The following PAH variants were observed in gnomAD, a reference collection of about 807,000 sequenced individuals.
PAH encodes phenylalanine hydroxylase, also known as phenylalanine-4-hydroxylase.
In PAH, 64 loss-of-function variants were observed where a neutral mutation model predicts 62.0. The observed-to-expected ratio is 1.03, with a 90% CI of 0.84 to 1.27. PAH has a LOEUF of 1.27. Ranked by LOEUF, PAH falls within the 50% of genes most tolerant of loss-of-function variation. The pLI is 0.00. For synonymous variants in PAH, 195 were observed against 196.2 expected (o/e 0.99, Z 0.05); for missense variants, 579 against 542.8 (o/e 1.07, Z -0.66).
chr12:102,862,469 T>C (rs1012164906), intron 5 of PAH, among the ~76,000 whole-genome samples: 9 of 152,082 alleles, frequency 5.9e-5, no homozygotes, highest in East Asian at 3.8e-4. Flanking sequence ...ACCTGAGTGA[T>C]GAAATAGTCT....
intron 2 of PAH, among the ~76,000 whole-genome samples, chr12:102,896,748 T>A (rs965697210): frequency 7.9e-5 from 12 of 152,222 alleles, no homozygotes; most frequent in Non-Finnish European, 1.6e-4. Flanking sequence ...TACTCTGTTG[T>A]CTATGTGGCT....
At chr12:102,949,873 C>T (rs1879671761) in intron 1 of PAH, among the ~76,000 whole-genome samples, 1 of 152,182 alleles carries the variant, frequency 6.6e-6, no homozygotes, top group Non-Finnish European at 1.5e-5. Flanking sequence ...TCTTATACAT[C>T]TGCTTTAATG....
At chr12:102,942,954 A>G (rs1169376535) in intron 1 of PAH, among the ~76,000 whole-genome samples, 15 of 151,932 alleles carry the variant, frequency 9.9e-5, no homozygotes. Flanking sequence ...AAAACCTAAA[A>G]CTAACTTTAA....
chr12:102,875,391 C>T (rs991404036), intron 4 of PAH, among the ~76,000 whole-genome samples: 5 of 152,154 alleles, frequency 3.3e-5, no homozygotes, highest in Admixed American at 6.5e-5. Context: ...GGAAGAATGC[C>T]GGTTTGGGGC....
At chr12:102,887,627 T>G (rs1397625576) in intron 3 of PAH, among the ~76,000 whole-genome samples, 2 of 152,010 alleles carry the variant, frequency 1.3e-5, no homozygotes, top group Non-Finnish European at 2.9e-5. Flanking sequence ...CTCAAGCAAG[T>G]CCAATTTGAT....
At chr12:102,845,834 A>G (rs1874814962) in intron 9 of PAH, among the ~76,000 whole-genome samples, 1 of 152,178 alleles carries the variant, frequency 6.6e-6, no homozygotes, top group African/African-American at 2.4e-5. Flanking sequence ...CTGTTCCTCA[A>G]CCAATCAGTA....
upstream of PAH, among the ~76,000 whole-genome samples, chr12:102,918,115 T>C (rs909385960): frequency 2.6e-5 from 4 of 152,158 alleles, no homozygotes; most frequent in African/African-American, 9.7e-5. Flanking sequence ...CTAAGTCTTT[T>C]GAAGAAAGTA....
intron 1 of PAH, among the ~76,000 whole-genome samples, chr12:102,937,984 A>G (rs745693768): frequency 2.0e-5 from 3 of 152,238 alleles, no homozygotes; most frequent in Non-Finnish European, 4.4e-5. Context: ...GTAGGTGCCA[A>G]GATGGCTGAC....
intron 7 of PAH, 30 bp downstream of exon 7, chr12:102,852,785 G>A (rs1344235392): frequency 6.2e-7 from 1 of 1,613,822 alleles, no homozygotes; most frequent in Non-Finnish European, 8.5e-7. Context: ...CATTGTGCCT[G>A]GCAACTGGTA....
intron 4 of PAH, among the ~76,000 whole-genome samples, chr12:102,873,236 G>T (rs1275684825): frequency 6.6e-6 from 1 of 152,184 alleles, no homozygotes; most frequent in African/African-American, 2.4e-5. Flanking sequence ...CTTCTTTGCA[G>T]TTAGTAGTGG....
chr12:102,869,053 C>T (rs1876191417), intron 4 of PAH, among the ~76,000 whole-genome samples: 1 of 152,144 alleles, frequency 6.6e-6, no homozygotes, highest in Non-Finnish European at 1.5e-5. Flanking sequence ...ATTTTGTGGT[C>T]CTCCCTAGGC....
chr12:102,917,399 G>A (rs1592991480), upstream of PAH: 4 of 490,750 alleles, frequency 8.2e-6, no homozygotes, highest in Admixed American at 3.3e-5. Context: ...TGTGGGGGAC[G>A]CAGGAGGCAC....
intron 5 of PAH, among the ~76,000 whole-genome samples, chr12:102,865,999 G>C (rs532472187): frequency 4.7e-4 from 71 of 151,934 alleles, no homozygotes; most frequent in African/African-American, 1.7e-3. Context: ...AAGGAGCAAA[G>C]CTGTTGTCTT....
chr12:102,887,667 C>T (rs2136692517), intron 3 of PAH, among the ~76,000 whole-genome samples: 1 of 152,158 alleles, frequency 6.6e-6, no homozygotes, highest in African/African-American at 2.4e-5. Context: ...ACAGGGTACT[C>T]CACATAATCC....
At chr12:102,873,384 G>T (rs1219331196) in intron 4 of PAH, among the ~76,000 whole-genome samples, 2 of 152,200 alleles carry the variant, frequency 1.3e-5, no homozygotes, top group Non-Finnish European at 2.9e-5. Context: ...GGGCTCCAAG[G>T]AGTTGAAGGA....
At chr12:102,923,941 C>G (rs1465604746) in intron 1 of PAH, among the ~76,000 whole-genome samples, 1 of 152,186 alleles carries the variant, frequency 6.6e-6, no homozygotes, top group Non-Finnish European at 1.5e-5. Flanking sequence ...GACTTCTTTT[C>G]TGTCTATGCT....
chr12:102,915,525 C>A (rs556364219), intron 1 of PAH, among the ~76,000 whole-genome samples: 1 of 152,316 alleles, frequency 6.6e-6, no homozygotes, highest in East Asian at 1.9e-4. Flanking sequence ...AAGATTTACT[C>A]TGGTCCAGTC....
chr12:102,919,252 C>T (rs111874313), upstream of PAH, among the ~76,000 whole-genome samples: 5,950 of 152,216 alleles, frequency 0.039, 285 homozygotes, highest in African/African-American at 0.11. Context: ...AAAATGATAG[C>T]TTTTCTTTCT....
At chr12:102,917,492 C>T, upstream of PAH, 2 of 348,508 alleles carry the variant, frequency 5.7e-6, no homozygotes, top group South Asian at 5.1e-5. Flanking sequence ...CAGGTTTAGG[C>T]ACTTCCGGGA....
Sources: allele counts gnomAD v4.1 joint callset (sites outside exome capture counted in the v4.1 genomes callset), GRCh38; gene constraint gnomAD v4.1.1; transcripts MANE v1.5; gene names NCBI Gene and HGNC (gene_info 2026-07-23, HGNC 2026-07-21).